The following ANKRD30A variants were observed in gnomAD, a reference collection of about 807,000 sequenced individuals.
ANKRD30A encodes ankyrin repeat domain-containing protein 30A.
A neutral mutation model predicts 166.3 loss-of-function variants in ANKRD30A; 170 were observed. That is an observed-to-expected ratio of 1.02 (90% CI 0.90 to 1.16). The LOEUF is 1.16. Among genes scored for constraint, ANKRD30A ranks in the 50% most tolerant of loss-of-function variants. ANKRD30A has a pLI of 0.00. For missense variants in ANKRD30A, 1,630 were observed against 1,518.0 expected, an observed-to-expected ratio of 1.07 and a Z score of -1.23; for synonymous variants, 564 against 508.9, an observed-to-expected ratio of 1.11 and a Z score of -1.46.
At chr10:37,198,034 G>T (rs1479543727) in intron 29 of ANKRD30A, among the ~76,000 whole-genome samples, 3 of 151,962 alleles carry the variant, frequency 2.0e-5, no homozygotes, top group African/African-American at 4.8e-5. Flanking sequence ...ATGAGGAAAA[G>T]AATTATTCAT....
rs116842461 is a variant in ANKRD30A at position 37,219,594 on chromosome 10, A to G, written c.3882A>G (p.Gln1294=). The G allele has an allele frequency of 4.3e-6, 7 of 1,610,424 alleles. No homozygotes were observed. The East Asian group carries it at 9.0e-5, about 21-fold the overall frequency. The change falls in exon 34 of 36, where the codon CAA becomes CAG. Residue 1294 remains glutamine (Q), a synonymous_variant. Transcript: ENST00000361713. ...GAGACCAACGTGAAACACAGTGTCA[A>G]ATGAAGGAAGCTGAACACATGTATC... ...AQRDQRETQC[Q]MKEAEHMYQN... is the part of the protein sequence containing the mutation.
the ANKRD30A span, chr10:37,262,536 T>TAA: frequency 1.3e-5 from 2 of 158,488 alleles, no homozygotes; most frequent in African/African-American, 4.8e-5. Flanking sequence ...CAGCTTGGAC[T>TAA]AAAGTAAGTT....
At chr10:37,127,688 AAAT>A (rs1392132284) in intron 1 of ANKRD30A, among the ~76,000 whole-genome samples, 7 of 152,138 alleles carry the variant, frequency 4.6e-5, no homozygotes, top group African/African-American at 1.7e-4. Context: ...TGCACACAGG[AAAT>A]AATATTTAGT....
intron 25 of ANKRD30A, 34 bp from the exon 26 acceptor site, chr10:37,193,030 A>C (rs1411019005): frequency 3.1e-6 from 5 of 1,603,384 alleles, no homozygotes; most frequent in Non-Finnish European, 4.3e-6. Flanking sequence ...TCAAGCTTGC[A>C]TACAATAAAT....
chr10:37,234,309 A>C (rs1248456416), downstream of ANKRD30A, among the ~76,000 whole-genome samples: 3 of 152,316 alleles, frequency 2.0e-5, no homozygotes, highest in South Asian at 2.1e-4. Context: ...GGTTCTTTAA[A>C]AAATTATATT....
chr10:37,214,801 C>G (rs1031108188), intron 31 of ANKRD30A, among the ~76,000 whole-genome samples: 6 of 151,310 alleles, frequency 4.0e-5, no homozygotes, highest in Admixed American at 3.3e-4. Context: ...TCTCTTCCAG[C>G]CAGATCCCAG....
intron 6 of ANKRD30A, among the ~76,000 whole-genome samples, chr10:37,137,547 G>A (rs994247404): frequency 6.6e-6 from 1 of 152,156 alleles, no homozygotes; most frequent in Non-Finnish European, 1.5e-5. Flanking sequence ...TTTTCCAATG[G>A]TCTTAGCAAA....
At chr10:37,259,691 A>T in the ANKRD30A span, among the ~76,000 whole-genome samples, 1 of 152,250 alleles carries the variant, frequency 6.6e-6, no homozygotes, top group Non-Finnish European at 1.5e-5. Context: ...TATATGCAAC[A>T]ACATGGATAA....
intron 15 of ANKRD30A, among the ~76,000 whole-genome samples, chr10:37,159,179 C>G (rs1164314277): frequency 3.9e-5 from 6 of 152,124 alleles, no homozygotes; most frequent in Non-Finnish European, 8.8e-5. Flanking sequence ...AGATACAAAA[C>G]AGCCTGAATT....
At position 37,207,992 on chromosome 10, in the gene ANKRD30A, A is replaced by G. The variant is rs1004111604; in HGVS notation, c.2869+6667A>G. 4.6e-5 allele frequency among the ~76,000 whole-genome samples: 7 copies of G among 152,274 alleles called. No homozygotes were observed. In the South Asian group the frequency reaches 1.2e-3, roughly 27 times the overall value. On this transcript the variant is annotated intron_variant, in intron 31 of 35. Coordinates refer to ENST00000361713, the MANE Select transcript of ANKRD30A (RefSeq NM_052997.3). ...AATGAGGGTTGATATTTAATTAAAC[A>G]TATCTGGGTAAATGGTGACTATCAG...
At chr10:37,260,708 G>T in the ANKRD30A span, among the ~76,000 whole-genome samples, 1 of 152,236 alleles carries the variant, frequency 6.6e-6, no homozygotes, top group South Asian at 2.1e-4. Context: ...CCAGATATGT[G>T]TGTATAGCAG....
chr10:37,237,675 G>A, the ANKRD30A span, among the ~76,000 whole-genome samples: 227 of 152,200 alleles, frequency 1.5e-3, no homozygotes, highest in African/African-American at 4.9e-3. Context: ...TTTTGATTTA[G>A]TGTTATTCAT....
chr10:37,149,470 T>A (rs1393637279), intron 9 of ANKRD30A, among the ~76,000 whole-genome samples, 181 bp from the exon 10 acceptor site: 3 of 152,178 alleles, frequency 2.0e-5, no homozygotes, highest in Admixed American at 2.0e-4. Flanking sequence ...ATATTTATAT[T>A]TTCTTCAGTG....
At chr10:37,205,908 T>G (rs1274451881) in intron 31 of ANKRD30A, among the ~76,000 whole-genome samples, 1 of 152,178 alleles carries the variant, frequency 6.6e-6, no homozygotes, top group Non-Finnish European at 1.5e-5. Context: ...GTATAGAGTT[T>G]TCATTGAAAT....
At chr10:37,196,783 T>G (rs190172751) in intron 27 of ANKRD30A, among the ~76,000 whole-genome samples, 1 of 152,006 alleles carries the variant, frequency 6.6e-6, no homozygotes, top group Non-Finnish European at 1.5e-5. Flanking sequence ...TGGAAAAAAA[T>G]GAATATTCAT....
In ANKRD30A at chr10:37,219,096, G is replaced by A. The variant is rs752086099; in HGVS notation, c.3384G>A (p.Lys1128=). 8.1e-6 allele frequency: 13 copies of A among 1,609,088 alleles called. No homozygotes were observed. Among genetic ancestry groups the A allele is most frequent in the Non-Finnish European group, 9.3e-6 (11 of 1,176,760 alleles). ...CACTGAAACACCAATACCAGGAAAA[G>A]GAAAATAAATACTTTGAGGACATTA... is the stretch of plus-strand genomic sequence containing the variant. ...IATLKHQYQE[K]ENKYFEDIKI... Residue 1128 remains lysine (K), a synonymous_variant, in exon 34 of 36, where the codon AAG becomes AAA. Coordinates refer to ENST00000361713, the MANE Select transcript of ANKRD30A (RefSeq NM_052997.3).
chr10:37,189,732 T>C (rs1840374158), intron 25 of ANKRD30A, among the ~76,000 whole-genome samples, 175 bp downstream of exon 25: 1 of 149,716 alleles, frequency 6.7e-6, no homozygotes. Flanking sequence ...ACAGACTATA[T>C]TGTGAGTGCT....
chr10:37,150,599 GT>G (rs1564490824), intron 11 of ANKRD30A, among the ~76,000 whole-genome samples: 9 of 152,064 alleles, frequency 5.9e-5, no homozygotes. Flanking sequence ...TGCATACATG[GT>G]TGTACGGTGT....
intron 31 of ANKRD30A, among the ~76,000 whole-genome samples, chr10:37,206,467 CT>C (rs755351992): frequency 6.6e-6 from 1 of 151,794 alleles, no homozygotes; most frequent in African/African-American, 2.4e-5. Context: ...AATCCATTGG[CT>C]TTTTTTTGTA....
Sources: gnomAD v4.1 joint callset for allele counts (sites outside exome capture counted in the v4.1 genomes callset) on GRCh38, gnomAD v4.1.1 for gene constraint, MANE v1.5 for transcripts, NCBI Gene and HGNC (gene_info 2026-07-23, HGNC 2026-07-21) for gene names.